The following FHIT variants were observed in gnomAD, a reference collection of about 807,000 sequenced individuals.
FHIT encodes the protein bis(5'-adenosyl)-triphosphatase.
In FHIT, 19 loss-of-function variants were observed where a neutral mutation model predicts 17.9. The ratio of observed to expected loss-of-function variants is 1.06; its 90% CI spans 0.74 to 1.56. The LOEUF is 1.56. FHIT is among the 40% of genes most tolerant of loss of function. The pLI, the probability that FHIT is intolerant of heterozygous loss-of-function variation, is 0.00. For missense variants in FHIT, 248 were observed against 189.2 expected (o/e 1.31, Z -1.82); for synonymous variants, 81 against 69.7 (o/e 1.16, Z -0.81).
chr3:59,944,937 T>A (rs1476867768), intron 7 of FHIT, among the ~76,000 whole-genome samples: 1 of 152,206 alleles, frequency 6.6e-6, no homozygotes, highest in Non-Finnish European at 1.5e-5. Context: ...TGGATGGGCT[T>A]TTAGGTTGAT....
intron 2 of FHIT, among the ~76,000 whole-genome samples, chr3:61,124,386 T>G (rs1043716281): frequency 7.9e-5 from 12 of 152,258 alleles, no homozygotes; most frequent in Non-Finnish European, 1.5e-4. Context: ...GGGCAGTTAA[T>G]GCACATATCT....
At chr3:60,650,467 A>G (rs1417247715) in intron 4 of FHIT, among the ~76,000 whole-genome samples, 4 of 152,170 alleles carry the variant, frequency 2.6e-5, no homozygotes, top group Admixed American at 2.6e-4. Flanking sequence ...CTTCAGCTCT[A>G]ATTCCATTCA....
At chr3:61,104,064 A>C (rs1351337240) in intron 2 of FHIT, among the ~76,000 whole-genome samples, 1 of 152,108 alleles carries the variant, frequency 6.6e-6, no homozygotes, top group East Asian at 1.9e-4. Flanking sequence ...TAGTCCATTT[A>C]CATTTAAGGT....
chr3:60,030,050 G>A (rs1221804034), intron 5 of FHIT, among the ~76,000 whole-genome samples: 1 of 151,786 alleles, frequency 6.6e-6, no homozygotes, highest in African/African-American at 2.4e-5. Context: ...TATTTGTCAG[G>A]GTTTTGTTTG....
chr3:61,126,827 T>G (rs78188918), intron 2 of FHIT, among the ~76,000 whole-genome samples: 3 of 151,938 alleles, frequency 2.0e-5, no homozygotes, highest in African/African-American at 7.3e-5. Flanking sequence ...GTGGGCCTCA[T>G]GGAAATCTTG....
intron 5 of FHIT, among the ~76,000 whole-genome samples, chr3:60,100,307 C>G (rs1387621710): frequency 1.3e-5 from 2 of 152,012 alleles, no homozygotes; most frequent in African/African-American, 4.8e-5. Context: ...TCGCTTGAAC[C>G]CGGGAGGTGG....
At position 60,330,759 on chromosome 3, in the gene FHIT, C is replaced by T. The variant is rs1321306577; in HGVS notation, c.103+206101G>A. On this transcript the variant is annotated intron_variant, in intron 5 of 9. Coordinates refer to ENST00000492590, the MANE Select transcript of FHIT (RefSeq NM_002012.4). ...AATCTCAGTTTGGTTGTCTACAGAA[C>T]GGGATTGCAAAATCTGATTTACACG... Among the ~76,000 whole-genome samples the T allele has an allele frequency of 3.3e-5, 5 of 152,158 alleles. No individual in the cohort carries two copies. In the East Asian group the frequency reaches 7.7e-4, roughly 23 times the overall value.
In FHIT at chr3:61,029,005, T is replaced by C. The variant is rs555647430; in HGVS notation, c.-111+13042A>G. Among the ~76,000 whole-genome samples the C allele has an allele frequency of 9.9e-5, 15 of 152,210 alleles. No individual in the cohort carries two copies. In the South Asian group the frequency reaches 2.7e-3, roughly 27 times the overall value. ...AGGCACAGCTACAGCAAATAAAGAC[T>C]GAGGCTAGACCAAGGCTCTTCCAGA... On this transcript the variant is annotated intron_variant, in intron 3 of 9. Transcript: ENST00000492590.
At chr3:60,478,714 C>G (rs533213604) in intron 5 of FHIT, among the ~76,000 whole-genome samples, 4 of 152,268 alleles carry the variant, frequency 2.6e-5, no homozygotes, top group African/African-American at 9.6e-5. Flanking sequence ...TGCTGCTTCA[C>G]TTACCTTGTA....
chr3:60,697,818 C>T (rs1054231824), intron 4 of FHIT, among the ~76,000 whole-genome samples: 6 of 152,024 alleles, frequency 3.9e-5, no homozygotes, highest in African/African-American at 1.4e-4. Context: ...AGAAGCTGAC[C>T]ATTATAAATA....
chr3:60,933,731 T>C (rs1196781538), intron 3 of FHIT, among the ~76,000 whole-genome samples: 1 of 152,236 alleles, frequency 6.6e-6, no homozygotes, highest in Admixed American at 6.5e-5. Context: ...CTGGAACACT[T>C]TTTGGCTCAT....
intron 5 of FHIT, among the ~76,000 whole-genome samples, chr3:60,441,783 A>AATATAT (rs71092605): frequency 5.0e-4 from 12 of 23,978 alleles, no homozygotes; most frequent in African/African-American, 8.2e-4. Flanking sequence ...TATGTATAAA[A>AATATAT]ATATATATAT....
intron 8 of FHIT, among the ~76,000 whole-genome samples, chr3:59,808,202 G>A (rs895436906): frequency 5.9e-5 from 9 of 152,130 alleles, no homozygotes; most frequent in African/African-American, 2.2e-4. Context: ...TTAGTGTCTG[G>A]GGAAGCAGAT....
intron 7 of FHIT, among the ~76,000 whole-genome samples, chr3:59,930,635 T>A (rs1384679569): frequency 1.3e-5 from 2 of 152,100 alleles, no homozygotes; most frequent in Admixed American, 1.3e-4. Context: ...TATGTTGGGA[T>A]CCCATGCACG....
chr3:60,511,334 G>A (rs747219816), intron 5 of FHIT, among the ~76,000 whole-genome samples: 8 of 151,980 alleles, frequency 5.3e-5, no homozygotes, highest in Non-Finnish European at 8.8e-5. Context: ...AGAAATGGTC[G>A]ACACCCTTCA....
intron 5 of FHIT, among the ~76,000 whole-genome samples, chr3:60,529,581 G>A (rs1208778409): frequency 1.3e-5 from 2 of 152,098 alleles, no homozygotes; most frequent in Non-Finnish European, 2.9e-5. Flanking sequence ...CTTAGCAAGT[G>A]CGATGCCTGC....
intron 7 of FHIT, among the ~76,000 whole-genome samples, chr3:60,003,903 T>A (rs1699824114): frequency 1.3e-5 from 2 of 151,640 alleles, no homozygotes; most frequent in Non-Finnish European, 2.9e-5. Context: ...GCCAGCCAAG[T>A]ATTTGGATAT....
intron 5 of FHIT, among the ~76,000 whole-genome samples, chr3:60,114,159 T>G (rs1440723547): frequency 6.8e-6 from 1 of 147,676 alleles, no homozygotes; most frequent in East Asian, 2.0e-4. Flanking sequence ...TTATGTAAAT[T>G]ACTTACTTAA....
At chr3:60,531,382 C>T (rs1344496622) in intron 5 of FHIT, among the ~76,000 whole-genome samples, 3 of 150,038 alleles carry the variant, frequency 2.0e-5, no homozygotes, top group Non-Finnish European at 4.4e-5. Context: ...GGGTTCACGC[C>T]ATTCTCCTGC....
Sources: gnomAD v4.1 joint callset for allele counts (sites outside exome capture counted in the v4.1 genomes callset) on GRCh38, gnomAD v4.1.1 for gene constraint, MANE v1.5 for transcripts, NCBI Gene and HGNC (gene_info 2026-07-23, HGNC 2026-07-21) for gene names.